Variants in TXNDC16 observed in about 807,000 individuals in gnomAD.
TXNDC16 encodes the protein thioredoxin domain-containing protein 16.
A neutral mutation model predicts 85.6 loss-of-function variants in TXNDC16; 74 were observed. The ratio of observed to expected loss-of-function variants is 0.86; its 90% CI spans 0.72 to 1.05. TXNDC16 has a LOEUF of 1.05. TXNDC16 is among the 50% of genes least tolerant of loss of function. TXNDC16 has a pLI of 0.00. For synonymous variants in TXNDC16, 335 were observed against 326.5 expected, an observed-to-expected ratio of 1.03 and a Z score of -0.28; for missense variants, 959 against 947.0, an observed-to-expected ratio of 1.01 and a Z score of -0.17.
intron 12 of TXNDC16, 87 bp downstream of exon 12, chr14:52,488,276 C>T (rs960844894): frequency 5.2e-5 from 78 of 1,511,376 alleles, no homozygotes; most frequent in Admixed American, 8.0e-5. Flanking sequence ...TGAACACATT[C>T]TTGGAGAAAG....
chr14:52,493,216 T>TATATATATATATA, intron 9 of TXNDC16, among the ~76,000 whole-genome samples: 1 of 115,942 alleles, frequency 8.6e-6, no homozygotes, highest in Admixed American at 9.5e-5. Flanking sequence ...TATATATATA[T>TATATATATATATA]ACACACACAC....
In TXNDC16 at chr14:52,482,929, C is replaced by T. The variant is rs1013676258; in HGVS notation, c.1145G>A (p.Arg382Lys). Residue 382 changes from arginine (R) to lysine (K), a missense_variant, in exon 13 of 21, where the codon AGA becomes AAA. By Grantham distance (26) the Arg-to-Lys change is conservative. Transcript: ENST00000281741. The part of the protein sequence containing the change: ...QDDEVAETVF[R>K]DRKRKLPLEL... Reference sequence around the variant, plus strand: ...CAAAGGTAATTTTCTCTTCCTATCTCTGAAAACAGTTTCTGCCACTTCATC... The same window carrying T: ...CAAAGGTAATTTTCTCTTCCTATCTTTGAAAACAGTTTCTGCCACTTCATC... 3 of 1,610,352 alleles carry T rather than the reference C, an allele frequency of 1.9e-6. No homozygotes were observed. Among genetic ancestry groups the T allele is most frequent in the African/African-American group, 1.3e-5 (1 of 74,828 alleles).
chr14:52,537,615 T>C lies in TXNDC16; in HGVS notation c.301A>G (p.Lys101Glu), dbSNP rs1392220407. The C allele has an allele frequency of 6.3e-7, 1 of 1,588,588 alleles. No individual in the cohort carries two copies. The highest frequency in any genetic ancestry group is 1.7e-5 in the Admixed American group (1 of 59,864). The change falls in exon 5 of 21, where the codon AAA (lysine) becomes GAA (glutamate). Residue 101 changes from lysine to glutamate, a missense_variant. Coordinates refer to ENST00000281741, the MANE Select transcript of TXNDC16 (RefSeq NM_020784.3). The part of the protein sequence containing the change: ...RYCGKEKDLM[K>E]AYLFKGNILL... ...ATAGCTTACTTGAATAAATATGCTT[T>C]CATCAAATCCTTTTCTTTTCCACAG...
intron 14 of TXNDC16, among the ~76,000 whole-genome samples, chr14:52,479,208 T>C (rs2036088222): frequency 6.6e-6 from 1 of 152,112 alleles, no homozygotes; most frequent in Non-Finnish European, 1.5e-5. Flanking sequence ...GCCAACATAA[T>C]ACTGCATGGG....
At chr14:52,518,576 T>A (rs1031151862) in intron 7 of TXNDC16, among the ~76,000 whole-genome samples, 1 of 152,160 alleles carries the variant, frequency 6.6e-6, no homozygotes, top group Non-Finnish European at 1.5e-5. Flanking sequence ...CCACCTCCAC[T>A]GCCATCACCC....
intron 6 of TXNDC16, among the ~76,000 whole-genome samples, chr14:52,529,944 A>T (rs1264626769): frequency 8.3e-5 from 8 of 95,836 alleles, no homozygotes; most frequent in Non-Finnish European, 1.1e-4. Flanking sequence ...ATATATATGA[A>T]TTATATATTA....
intron 18 of TXNDC16, among the ~76,000 whole-genome samples, chr14:52,454,579 G>A (rs573154296): frequency 4.1e-4 from 62 of 149,834 alleles, no homozygotes; most frequent in African/African-American, 1.4e-3. Context: ...CGAGGCAGGC[G>A]GATCACTTGA....
intron 18 of TXNDC16, among the ~76,000 whole-genome samples, chr14:52,455,074 C>T (rs144632783): frequency 6.6e-5 from 10 of 152,268 alleles, no homozygotes; most frequent in African/African-American, 2.4e-4. Context: ...ACAAGTTTCA[C>T]CCTGGATTAA....
intron 16 of TXNDC16, among the ~76,000 whole-genome samples, chr14:52,459,782 G>A (rs1420018025): frequency 6.6e-6 from 1 of 152,052 alleles, no homozygotes; most frequent in Non-Finnish European, 1.5e-5. Flanking sequence ...CAATAAATGT[G>A]ATTTATCTCA....
chr14:52,482,484 G>T (rs1262148291), intron 13 of TXNDC16, among the ~76,000 whole-genome samples, 195 bp from the exon 14 acceptor site: 1 of 152,024 alleles, frequency 6.6e-6, no homozygotes, highest in African/African-American at 2.4e-5. Context: ...CACTTGTACT[G>T]CAAGGAATAT....
At chr14:52,495,942 G>A (rs1157382887) in intron 9 of TXNDC16, among the ~76,000 whole-genome samples, 7 of 151,850 alleles carry the variant, frequency 4.6e-5, no homozygotes, top group Admixed American at 3.9e-4. Flanking sequence ...GGCGGATCAC[G>A]AGGTCAGGAG....
intron 6 of TXNDC16, among the ~76,000 whole-genome samples, chr14:52,529,932 T>TTA (rs1458170687): frequency 3.3e-3 from 349 of 106,016 alleles, no homozygotes; most frequent in African/African-American, 0.013. Flanking sequence ...ATTATATATA[T>TTA]TATATATATG....
At chr14:52,520,395 G>A (rs993325533) in intron 6 of TXNDC16, among the ~76,000 whole-genome samples, 3 of 152,100 alleles carry the variant, frequency 2.0e-5, no homozygotes, top group Admixed American at 6.6e-5. Flanking sequence ...AGGCCGAGGC[G>A]GGCGGATCAC....
chr14:52,483,124 A>C (rs2036188271), intron 12 of TXNDC16, among the ~76,000 whole-genome samples, 159 bp from the exon 13 acceptor site: 1 of 152,166 alleles, frequency 6.6e-6, no homozygotes, highest in South Asian at 2.1e-4. Context: ...AAAACTTTGC[A>C]GTTGCTTAAC....
chr14:52,473,539 G>A (rs916680039), intron 14 of TXNDC16, among the ~76,000 whole-genome samples: 1 of 152,134 alleles, frequency 6.6e-6, no homozygotes, highest in South Asian at 2.1e-4. Context: ...AAGTAATACT[G>A]ATATATATCA....
At chr14:52,526,887 A>G (rs1015787464) in intron 6 of TXNDC16, among the ~76,000 whole-genome samples, 1 of 152,110 alleles carries the variant, frequency 6.6e-6, no homozygotes, top group African/African-American at 2.4e-5. Context: ...TATCTACATA[A>G]CAAAGCCTCC....
At chr14:52,457,646 G>A (rs756706229) in intron 16 of TXNDC16, among the ~76,000 whole-genome samples, 1 of 152,144 alleles carries the variant, frequency 6.6e-6, no homozygotes, top group Non-Finnish European at 1.5e-5. Context: ...CAGTGTCTGT[G>A]TTAGGGTTGT....
rs149723542 is a variant in TXNDC16, at chr14:52,490,443, A to G, written c.932T>C (p.Leu311Ser). 2.1e-5 allele frequency: 34 copies of G among 1,599,022 alleles called. No individual in the cohort carries two copies. The highest frequency in any genetic ancestry group is 2.6e-5 in the Non-Finnish European group (31 of 1,174,780). ...AGVLLLLRDS[L>S]EVNIPQDANV... Reference sequence around the variant, plus strand: ...AGCATCTTGAGGAATGTTCACTTCCAAAGAGTCCCTTTTTCAAAATGGAAA... The same window carrying G: ...AGCATCTTGAGGAATGTTCACTTCCGAAGAGTCCCTTTTTCAAAATGGAAA... The change falls in exon 11 of 21, where the codon TTG becomes TCG. Residue 311 changes from leucine to serine, a missense_variant. By Grantham distance (145) the Leu-to-Ser change is moderately radical. Transcript: ENST00000281741.
intron 9 of TXNDC16, among the ~76,000 whole-genome samples, chr14:52,495,193 C>T (rs1361543920): frequency 1.3e-5 from 2 of 152,186 alleles, no homozygotes; most frequent in South Asian, 4.1e-4. Context: ...CATTAGTAGG[C>T]TATTTCAACT....
Sources: allele counts gnomAD v4.1 joint callset (sites outside exome capture counted in the v4.1 genomes callset), GRCh38; gene constraint gnomAD v4.1.1; transcripts MANE v1.5; gene names NCBI Gene and HGNC (gene_info 2026-07-23, HGNC 2026-07-21).